The following PCDH9 variants were observed in gnomAD, a reference collection of about 807,000 sequenced individuals.
PCDH9 encodes the protein protocadherin-9.
In PCDH9, 24 loss-of-function variants were observed where a neutral mutation model predicts 70.6. The observed-to-expected ratio is 0.34, with a 90% CI of 0.25 to 0.48. The LOEUF is 0.48. Ranked by LOEUF, PCDH9 falls within the 20% of genes least tolerant of loss-of-function variation. The pLI, the probability that PCDH9 is intolerant of heterozygous loss-of-function variation, is 0.99. For missense variants in PCDH9, 1,281 were observed against 1,503.6 expected (o/e 0.85, Z 2.45); for synonymous variants, 562 against 558.5 (o/e 1.01, Z -0.09).
chr13:66,751,819 C>T (rs2079463907), intron 3 of PCDH9, among the ~76,000 whole-genome samples: 1 of 152,176 alleles, frequency 6.6e-6, no homozygotes. Flanking sequence ...TACCAGACAA[C>T]ATAGTTCCAA....
chr13:67,144,793 A>G lies in PCDH9; in HGVS notation c.3036+80612T>C, dbSNP rs185884316. Among the ~76,000 whole-genome samples the G allele has an allele frequency of 2.4e-3, 364 of 152,254 alleles. 3 individuals are homozygous for G. The highest frequency in any genetic ancestry group is 8.4e-3 in the African/African-American group (351 of 41,576). On this transcript the variant is annotated intron_variant, in intron 2 of 4. Coordinates refer to ENST00000377865, the MANE Select transcript of PCDH9 (RefSeq NM_203487.3). ...GAAAAGCAGGCAAAGAGGACATACA[A>G]ATGTTCTGTAACTCACTAAGTACTT...
At chr13:67,088,285 C>CT (rs2086150098) in intron 2 of PCDH9, among the ~76,000 whole-genome samples, 1 of 151,922 alleles carries the variant, frequency 6.6e-6, no homozygotes, top group African/African-American at 2.4e-5. Flanking sequence ...TACCCAGCAT[C>CT]TATCAGTTAG....
At chr13:67,195,536 CT>C (rs2089040409) in intron 2 of PCDH9, among the ~76,000 whole-genome samples, 1 of 152,130 alleles carries the variant, frequency 6.6e-6, no homozygotes, top group Non-Finnish European at 1.5e-5. Flanking sequence ...TAATTCGTTA[CT>C]CTTAAGACAA....
intron 3 of PCDH9, among the ~76,000 whole-genome samples, chr13:66,758,384 T>C (rs573724042): frequency 6.6e-6 from 1 of 152,204 alleles, no homozygotes; most frequent in South Asian, 2.1e-4. Context: ...GAAATCACCA[T>C]TTTACTCTCT....
chr13:67,157,831 T>C (rs2087854269), intron 2 of PCDH9, among the ~76,000 whole-genome samples: 1 of 152,196 alleles, frequency 6.6e-6, no homozygotes, highest in Non-Finnish European at 1.5e-5. Context: ...AGTTTGAAAG[T>C]TGAGTTTGAA....
At chr13:66,512,303 T>TATATATATATAG (rs1491228217) in intron 4 of PCDH9, among the ~76,000 whole-genome samples, 2 of 146,378 alleles carry the variant, frequency 1.4e-5, no homozygotes, top group African/African-American at 5.0e-5. Flanking sequence ...TATATATATA[T>TATATATATATAG]ACACAATAAG....
intron 3 of PCDH9, among the ~76,000 whole-genome samples, chr13:66,860,993 T>C (rs947139334): frequency 6.6e-6 from 1 of 152,182 alleles, no homozygotes; most frequent in African/African-American, 2.4e-5. Context: ...TTTATCCCAC[T>C]TGAGTGCATT....
chr13:66,502,813 G>T (rs1211290604), intron 4 of PCDH9, among the ~76,000 whole-genome samples: 2 of 152,256 alleles, frequency 1.3e-5, no homozygotes, highest in East Asian at 3.9e-4. Context: ...AGAATTTGCT[G>T]ATGTGAATAT....
At chr13:67,071,358 G>A (rs755436099) in intron 2 of PCDH9, among the ~76,000 whole-genome samples, 13 of 151,972 alleles carry the variant, frequency 8.6e-5, no homozygotes, top group Non-Finnish European at 1.8e-4. Context: ...ATATAATTTT[G>A]GACTCTGAAA....
At chr13:66,946,229 A>T (rs2083085643) in intron 2 of PCDH9, among the ~76,000 whole-genome samples, 1 of 152,158 alleles carries the variant, frequency 6.6e-6, no homozygotes. Flanking sequence ...TACAAAAGGG[A>T]ATATGATTAG....
intron 4 of PCDH9, among the ~76,000 whole-genome samples, chr13:66,426,686 A>T (rs1246716225): frequency 6.6e-6 from 1 of 151,638 alleles, no homozygotes. Flanking sequence ...TAAAAGGCCA[A>T]CACCTTGCTA....
chr13:66,934,725 T>C (rs1288876265), intron 2 of PCDH9, among the ~76,000 whole-genome samples: 24 of 109,222 alleles, frequency 2.2e-4, no homozygotes, highest in Non-Finnish European at 3.8e-4. Flanking sequence ...TTTTTTTTTT[T>C]TTTTTTTTTT....
chr13:66,682,501 T>A (rs2078342047), intron 3 of PCDH9, among the ~76,000 whole-genome samples: 1 of 152,114 alleles, frequency 6.6e-6, no homozygotes, highest in African/African-American at 2.4e-5. Flanking sequence ...GCAGAATTTT[T>A]TCCTGTCCTG....
chr13:67,141,195 C>A (rs1484583773), intron 2 of PCDH9, among the ~76,000 whole-genome samples: 1 of 152,022 alleles, frequency 6.6e-6, no homozygotes, highest in East Asian at 1.9e-4. Flanking sequence ...GAGAAGAGCA[C>A]ATATGCAATA....
At chr13:66,325,624 C>T (rs1374251993) in intron 4 of PCDH9, among the ~76,000 whole-genome samples, 1 of 152,008 alleles carries the variant, frequency 6.6e-6, no homozygotes, top group Non-Finnish European at 1.5e-5. Flanking sequence ...ACTAATGGTA[C>T]TTAAGAATGA....
intron 3 of PCDH9, among the ~76,000 whole-genome samples, chr13:66,715,216 C>T (rs757596725): frequency 1.3e-5 from 2 of 152,078 alleles, no homozygotes; most frequent in African/African-American, 2.4e-5. Context: ...AATATTTATA[C>T]GGCCACAATT....
chr13:66,632,664 T>C (rs1555315198), intron 3 of PCDH9, among the ~76,000 whole-genome samples: 1 of 152,172 alleles, frequency 6.6e-6, no homozygotes, highest in Non-Finnish European at 1.5e-5. Flanking sequence ...AATGCTCTTT[T>C]AGCTGCTATG....
At chr13:67,023,219 A>C (rs1482980517) in intron 2 of PCDH9, among the ~76,000 whole-genome samples, 2 of 151,592 alleles carry the variant, frequency 1.3e-5, no homozygotes, top group Admixed American at 1.3e-4. Flanking sequence ...TTACAGTTAC[A>C]CTACTTATTC....
At chr13:67,116,684 A>G (rs376536466) in intron 2 of PCDH9, among the ~76,000 whole-genome samples, 11 of 152,340 alleles carry the variant, frequency 7.2e-5, no homozygotes, top group African/African-American at 2.6e-4. Flanking sequence ...TGATAAAATC[A>G]AACCTATTGC....
Sources: gnomAD v4.1 joint callset for allele counts (sites outside exome capture counted in the v4.1 genomes callset) on GRCh38, gnomAD v4.1.1 for gene constraint, MANE v1.5 for transcripts, NCBI Gene and HGNC (gene_info 2026-07-23, HGNC 2026-07-21) for gene names.